Variants in ADCY8 observed in about 807,000 individuals in gnomAD.
ADCY8 encodes the protein adenylate cyclase 8, also known as adenylate cyclase type 8.
In ADCY8, 51 loss-of-function variants were observed where a neutral mutation model predicts 119.7. The observed-to-expected ratio is 0.43, with a 90% confidence interval of 0.34 to 0.54. ADCY8 has a LOEUF of 0.54. ADCY8 is among the 20% of genes least tolerant of loss of function. The pLI is 0.03. For missense variants in ADCY8, 1,383 were observed against 1,598.8 expected (o/e 0.87, Z 2.30); for synonymous variants, 665 against 651.0 (o/e 1.02, Z -0.33).
chr8:130,842,804 G>A (rs768562231), intron 11 of ADCY8, among the ~76,000 whole-genome samples: 7 of 150,056 alleles, frequency 4.7e-5, no homozygotes, highest in Non-Finnish European at 8.9e-5. Context: ...CCTGGGAAGT[G>A]GATGTTGTAG....
At chr8:130,945,683 AAG>A (rs1286454473) in intron 3 of ADCY8, among the ~76,000 whole-genome samples, 1 of 152,224 alleles carries the variant, frequency 6.6e-6, no homozygotes, top group Non-Finnish European at 1.5e-5. Context: ...AGAGAAAGAG[AAG>A]AGAGAGGTAA....
At chr8:130,984,811 C>G (rs1005763720) in intron 2 of ADCY8, among the ~76,000 whole-genome samples, 12 of 152,066 alleles carry the variant, frequency 7.9e-5, no homozygotes, top group African/African-American at 2.9e-4. Context: ...GGATCATGAA[C>G]AGGCCGAGCT....
chr8:130,994,474 T>C (rs796106227), intron 1 of ADCY8, among the ~76,000 whole-genome samples: 13 of 152,346 alleles, frequency 8.5e-5, no homozygotes, highest in African/African-American at 3.1e-4. Context: ...ATCTTATCCT[T>C]TTTAGTATCT....
chr8:130,885,554 C>G (rs1818951745), intron 7 of ADCY8, among the ~76,000 whole-genome samples: 1 of 151,958 alleles, frequency 6.6e-6, no homozygotes. Context: ...GGCAAGGAGA[C>G]CTTTCCTCCT....
At chr8:130,885,131 C>G (rs1390264105) in intron 7 of ADCY8, among the ~76,000 whole-genome samples, 1 of 151,608 alleles carries the variant, frequency 6.6e-6, no homozygotes, top group Non-Finnish European at 1.5e-5. Flanking sequence ...TAAAAGTCCC[C>G]AAAAATGATC....
intron 2 of ADCY8, among the ~76,000 whole-genome samples, chr8:130,958,932 T>C (rs1377856008): frequency 6.6e-6 from 1 of 152,232 alleles, no homozygotes; most frequent in African/African-American, 2.4e-5. Flanking sequence ...ATATACCTTT[T>C]GTCTCTTTTG....
rs60734293 is a variant in ADCY8 at position 130,899,608 on chromosome 8, TA to T, written c.1911+4163del. Reference sequence around the variant, plus strand: ...GCGACAGAGTGAAATTCCATCTCAATAAAAAAAAAAAAGGAGAAAAGAAAAG... The same window carrying T: ...GCGACAGAGTGAAATTCCATCTCAATAAAAAAAAAAAGGAGAAAAGAAAAG... On this transcript the variant is annotated intron_variant, in intron 7 of 17. Transcript: ENST00000286355. 7.1e-3 allele frequency among the ~76,000 whole-genome samples: 866 copies of T among 122,652 alleles called. 4 individuals carry two copies. The highest frequency in any genetic ancestry group is 0.019 in the African/African-American group (604 of 31,262). 80.5% of individuals were successfully genotyped at this position (122,652 alleles called of 152,430 possible). A position where few individuals can be genotyped will look rare whatever the true frequency, so the allele number is the denominator to read the frequency against.
At chr8:130,822,296 G>A (rs912172801) in intron 12 of ADCY8, among the ~76,000 whole-genome samples, 10 of 152,112 alleles carry the variant, frequency 6.6e-5, no homozygotes, top group Non-Finnish European at 1.0e-4. Context: ...TCTAGGTACA[G>A]GACATCTATT....
In ADCY8 at chr8:130,814,066, C is replaced by T. The variant is rs73716271; in HGVS notation, c.2913+3G>A. 2.2e-3 allele frequency: 3,559 copies of T among 1,614,096 alleles called. 56 individuals carry two copies. The African/African-American group carries it at 0.043, about 19-fold the overall frequency. Reference sequence around the variant, plus strand: ...TCACTGGCTAGACCAGCCCCTGGCTCACCTCATTGTCTCGGTCCTTCTCTA... The same window carrying T: ...TCACTGGCTAGACCAGCCCCTGGCTTACCTCATTGTCTCGGTCCTTCTCTA... On this transcript the variant is annotated splice_donor_region_variant and intron_variant, in intron 14 of 17. Coordinates refer to ENST00000286355, the MANE Select transcript of ADCY8 (RefSeq NM_001115.3).
chr8:130,843,631 G>A (rs955811599), intron 11 of ADCY8, among the ~76,000 whole-genome samples: 1 of 152,060 alleles, frequency 6.6e-6, no homozygotes, highest in Non-Finnish European at 1.5e-5. Flanking sequence ...TATTTTGTTT[G>A]TTTTTAGTTA....
chr8:130,928,919 G>A (rs564210527), intron 5 of ADCY8, among the ~76,000 whole-genome samples: 3 of 152,008 alleles, frequency 2.0e-5, no homozygotes, highest in East Asian at 1.9e-4. Context: ...CAGGTCCTGG[G>A]CCTTTTTTTA....
intron 1 of ADCY8, among the ~76,000 whole-genome samples, chr8:131,028,861 G>A (rs949356195): frequency 2.0e-5 from 3 of 152,198 alleles, no homozygotes; most frequent in Admixed American, 6.5e-5. Context: ...AAGTGGAAGT[G>A]TGGGAGTACC....
chr8:130,835,044 C>T (rs1269086401), intron 12 of ADCY8, among the ~76,000 whole-genome samples: 1 of 152,112 alleles, frequency 6.6e-6, no homozygotes, highest in African/African-American at 2.4e-5. Flanking sequence ...GGTTCATGGA[C>T]ATTCATATTA....
chr8:130,946,217 T>C (rs540284278), intron 3 of ADCY8, among the ~76,000 whole-genome samples: 1 of 152,306 alleles, frequency 6.6e-6, no homozygotes, highest in East Asian at 1.9e-4. Context: ...GCAGTGGAGA[T>C]AAAGTAGTGA....
chr8:130,911,532 A>G (rs1383172191), intron 5 of ADCY8, among the ~76,000 whole-genome samples: 1 of 151,980 alleles, frequency 6.6e-6, no homozygotes, highest in African/African-American at 2.4e-5. Flanking sequence ...AAAAAGAATT[A>G]TGTTTAAACC....
At chr8:130,827,867 G>A (rs1816714408) in intron 12 of ADCY8, among the ~76,000 whole-genome samples, 1 of 152,128 alleles carries the variant, frequency 6.6e-6, no homozygotes, top group African/African-American at 2.4e-5. Flanking sequence ...TCAATAACAG[G>A]CATCTGTCAG....
chr8:130,812,705 GA>G (rs796467771), intron 14 of ADCY8, among the ~76,000 whole-genome samples: 9 of 152,142 alleles, frequency 5.9e-5, no homozygotes, highest in African/African-American at 2.2e-4. Flanking sequence ...AATGTAATAA[GA>G]AAAAACAGTT....
intron 6 of ADCY8, 104 bp from the exon 7 acceptor site, chr8:130,904,146 T>C: frequency 8.7e-7 from 1 of 1,146,452 alleles, no homozygotes; most frequent in Non-Finnish European, 1.2e-6. Flanking sequence ...ACAAGGGTAT[T>C]ATTAGGACAT....
intron 1 of ADCY8, among the ~76,000 whole-genome samples, chr8:131,013,290 T>C (rs2130783444): frequency 6.6e-6 from 1 of 151,086 alleles, no homozygotes; most frequent in Middle Eastern, 3.4e-3. Context: ...TGAAGAGGAG[T>C]GGACCAAGAA....
Sources: allele counts gnomAD v4.1 joint callset (sites outside exome capture counted in the v4.1 genomes callset), GRCh38; gene constraint gnomAD v4.1.1; transcripts MANE v1.5; gene names NCBI Gene and HGNC (gene_info 2026-07-23, HGNC 2026-07-21).